Variants in CPNE8 observed in about 807,000 individuals in gnomAD.
CPNE8 encodes copine-8.
In CPNE8, 45 loss-of-function variants were observed where a neutral mutation model predicts 81.5. The observed-to-expected ratio is 0.55, with a 90% CI of 0.44 to 0.71. CPNE8 has a LOEUF of 0.71. Among genes scored for constraint, CPNE8 ranks in the 30% least tolerant of loss-of-function variants. The pLI, the probability that CPNE8 is intolerant of heterozygous loss-of-function variation, is 0.00. For synonymous variants in CPNE8, 252 were observed against 226.3 expected (o/e 1.11, Z -1.02); for missense variants, 594 against 672.1 (o/e 0.88, Z 1.28).
At chr12:38,659,344 A>C (rs913525919) in intron 19 of CPNE8, among the ~76,000 whole-genome samples, 1 of 152,198 alleles carries the variant, frequency 6.6e-6, no homozygotes, top group East Asian at 1.9e-4. Flanking sequence ...CAACAAGAAG[A>C]GCTAACTATC....
chr12:38,843,255 T>G (rs1182181265), intron 4 of CPNE8, among the ~76,000 whole-genome samples: 1 of 152,164 alleles, frequency 6.6e-6, no homozygotes, highest in Admixed American at 6.5e-5. Context: ...TGATGGAAAT[T>G]TTTCTTGTAT....
At chr12:38,792,314 T>C (rs991495256) in intron 6 of CPNE8, among the ~76,000 whole-genome samples, 11 of 148,790 alleles carry the variant, frequency 7.4e-5, no homozygotes, top group African/African-American at 1.7e-4. Flanking sequence ...TTTTTAAAGA[T>C]TGACAAAATT....
At chr12:38,774,828 C>T (rs576610464) in intron 7 of CPNE8, among the ~76,000 whole-genome samples, 8 of 152,008 alleles carry the variant, frequency 5.3e-5, no homozygotes, top group African/African-American at 9.7e-5. Context: ...CTGATATGAC[C>T]GTGACATGCC....
intron 19 of CPNE8, among the ~76,000 whole-genome samples, chr12:38,655,736 A>G (rs1938801674): frequency 6.6e-6 from 1 of 152,160 alleles, no homozygotes; most frequent in Non-Finnish European, 1.5e-5. Context: ...AAGATTAGGT[A>G]TAGTGCCTTT....
chr12:38,814,887 C>A (rs1942998445), intron 6 of CPNE8, among the ~76,000 whole-genome samples: 1 of 151,998 alleles, frequency 6.6e-6, no homozygotes, highest in South Asian at 2.1e-4. Flanking sequence ...CCCATTGAAA[C>A]AATTATATTT....
At chr12:38,772,196 A>T (rs533167482) in intron 7 of CPNE8, among the ~76,000 whole-genome samples, 2 of 152,266 alleles carry the variant, frequency 1.3e-5, no homozygotes, top group African/African-American at 4.8e-5. Flanking sequence ...AAACAGTATG[A>T]AAGCCCTTAC....
intron 19 of CPNE8, among the ~76,000 whole-genome samples, chr12:38,656,788 C>A (rs979620908): frequency 5.3e-5 from 8 of 152,120 alleles, no homozygotes; most frequent in African/African-American, 1.9e-4. Context: ...AACTGGCCAG[C>A]AACTTAGCTT....
chr12:38,669,246 A>T (rs1939122216), intron 19 of CPNE8, among the ~76,000 whole-genome samples: 1 of 152,098 alleles, frequency 6.6e-6, no homozygotes, highest in African/African-American at 2.4e-5. Flanking sequence ...TATTTTACAG[A>T]AGTTTTTATT....
rs139736760 is a variant in CPNE8 at position 38,720,981 on chromosome 12, G to A, written c.914+2791C>T. ...CTCAGGCATCCCTGTACCCTTGGGG[G>A]CCCAGGAAGAGCTCCTGCCCTCACA... On this transcript the variant is annotated intron_variant, in intron 13 of 19. Transcript: ENST00000331366. 4.9e-3 allele frequency: 741 copies of A among 152,646 alleles called. 4 individuals are homozygous for A. The highest frequency in any genetic ancestry group is 7.6e-3 in the Non-Finnish European group (521 of 68,314). The allele number at this position is 152,646 out of a possible 1,614,324, so 9.5% of individuals were successfully genotyped here.
chr12:38,729,906 G>A (rs1485839337), intron 11 of CPNE8, among the ~76,000 whole-genome samples: 1 of 151,844 alleles, frequency 6.6e-6, no homozygotes. Context: ...AGATATATAT[G>A]CAGACCACAG....
intron 13 of CPNE8, among the ~76,000 whole-genome samples, chr12:38,715,561 T>C (rs751533201): frequency 3.3e-5 from 5 of 152,042 alleles, no homozygotes; most frequent in African/African-American, 7.2e-5. Flanking sequence ...TCTCAATAGA[T>C]GCAGAAAAGG....
intron 6 of CPNE8, among the ~76,000 whole-genome samples, chr12:38,814,286 A>T (rs1942986424): frequency 6.7e-6 from 1 of 149,704 alleles, no homozygotes; most frequent in African/African-American, 2.5e-5. Context: ...AAAACTGAAG[A>T]AAGTTTAAGG....
At chr12:38,749,242 G>A (rs573198049) in intron 10 of CPNE8, among the ~76,000 whole-genome samples, 5 of 152,268 alleles carry the variant, frequency 3.3e-5, no homozygotes, top group African/African-American at 1.2e-4. Flanking sequence ...GCTCCTCCTT[G>A]CCTTCTGACA....
At chr12:38,699,817 C>T (rs1381205793) in intron 14 of CPNE8, among the ~76,000 whole-genome samples, 6 of 151,950 alleles carry the variant, frequency 3.9e-5, no homozygotes, top group Non-Finnish European at 8.8e-5. Context: ...GTATAATATT[C>T]CTTTTGATAC....
intron 4 of CPNE8, among the ~76,000 whole-genome samples, chr12:38,841,088 A>G (rs1943461756): frequency 6.6e-6 from 1 of 152,154 alleles, no homozygotes; most frequent in Admixed American, 6.5e-5. Context: ...TTCACTGAGT[A>G]TACGGATGCT....
At chr12:38,844,156 C>T (rs932263141) in intron 4 of CPNE8, among the ~76,000 whole-genome samples, 2 of 152,080 alleles carry the variant, frequency 1.3e-5, no homozygotes, top group African/African-American at 4.8e-5. Context: ...ATGATTATTA[C>T]CATTTTATTT....
At chr12:38,906,681 A>C, upstream of CPNE8, 1 of 872,118 alleles carries the variant, frequency 1.1e-6, no homozygotes, top group Non-Finnish European at 1.4e-6. Context: ...AGTCGTGGCA[A>C]AAGCATCCGG....
chr12:38,735,254 G>A (rs1940925856), intron 10 of CPNE8, among the ~76,000 whole-genome samples: 2 of 151,064 alleles, frequency 1.3e-5, no homozygotes, highest in Admixed American at 1.3e-4. Context: ...GAGCAGTCAC[G>A]AAAATGAAAG....
At chr12:38,716,550 C>G (rs1008168126) in intron 13 of CPNE8, among the ~76,000 whole-genome samples, 1 of 152,004 alleles carries the variant, frequency 6.6e-6, no homozygotes, top group African/African-American at 2.4e-5. Flanking sequence ...AAAGAACACC[C>G]TATTCAATAA....
Sources: allele counts gnomAD v4.1 joint callset (sites outside exome capture counted in the v4.1 genomes callset), GRCh38; gene constraint gnomAD v4.1.1; transcripts MANE v1.5; gene names NCBI Gene and HGNC (gene_info 2026-07-23, HGNC 2026-07-21).